BRD9: variants seen among roughly 807,000 people sequenced by gnomAD.
BRD9 encodes the protein bromodomain-containing protein 9.
In BRD9, 47 loss-of-function variants were observed where a neutral mutation model predicts 68.7. The ratio of observed to expected loss-of-function variants is 0.68; its 90% CI spans 0.54 to 0.87. The LOEUF (loss-of-function observed/expected upper bound fraction) is 0.87. Among genes scored for constraint, BRD9 ranks in the 40% least tolerant of loss-of-function variants. The pLI, the probability that BRD9 is intolerant of heterozygous loss-of-function variation, is 0.00. For synonymous variants in BRD9, 313 were observed against 293.9 expected (o/e 1.06, Z -0.67); for missense variants, 670 against 748.4 (o/e 0.90, Z 1.22).
Position 863,774 on chromosome 5 carries a change from C to T in BRD9, c.*694G>A, listed in dbSNP as rs180764534. 5.1e-4 allele frequency: 77 copies of T among 152,380 alleles called. No individual in the cohort carries two copies. The highest frequency in any genetic ancestry group is 1.8e-3 in the African/African-American group (75 of 41,564). 9.4% of individuals were successfully genotyped at this position (152,380 alleles called of 1,614,324 possible). A position where few individuals can be genotyped will look rare whatever the true frequency, so the allele number is the denominator to read the frequency against. ...GAAAACGTTTTATGGACACGGAACGCTCCACTGTAACGGGCAGGCAGAACA... is the reference window on the plus strand; with the variant it reads ...GAAAACGTTTTATGGACACGGAACGTTCCACTGTAACGGGCAGGCAGAACA... On this transcript the variant is annotated 3_prime_UTR_variant, in exon 16 of 16. Coordinates refer to ENST00000467963, the MANE Select transcript of BRD9 (RefSeq NM_023924.5).
chr5:889,721 T>C (rs1447727913), intron 3 of BRD9, 74 bp from the exon 4 acceptor site: 1 of 1,584,992 alleles, frequency 6.3e-7, no homozygotes, highest in South Asian at 1.1e-5. Context: ...AAGTTCACAG[T>C]ATCTGTCTGT....
intron 8 of BRD9, 95 bp downstream of exon 8, chr5:883,843 G>T (rs1752160067): frequency 6.6e-7 from 1 of 1,510,146 alleles, no homozygotes; most frequent in Non-Finnish European, 8.9e-7. Flanking sequence ...GATCCCGGTG[G>T]CTGTGCTAGA....
At position 889,908 on chromosome 5, in the gene BRD9, T is replaced by C. The variant is rs151050502; in HGVS notation, c.401-261A>G. ...ACATCAACAATATGTGGTGATCACTTAGCAATGTTTTCAGCTCATACCACT... is the reference window on the plus strand; with the variant it reads ...ACATCAACAATATGTGGTGATCACTCAGCAATGTTTTCAGCTCATACCACT... On this transcript the variant is annotated intron_variant, in intron 3 of 15. Transcript: ENST00000467963. The C allele has an allele frequency of 5.5e-3, 2,897 of 527,658 alleles. 31 individuals carry two copies. The highest frequency in any genetic ancestry group is 6.6e-3 in the Non-Finnish European group (1,969 of 300,166). 32.7% of individuals were successfully genotyped at this position (527,658 alleles called of 1,614,324 possible).
intron 7 of BRD9, 32 bp from the exon 8 acceptor site, chr5:884,102 G>C (rs767202274): frequency 6.2e-7 from 1 of 1,605,196 alleles, no homozygotes; most frequent in African/African-American, 1.3e-5. Flanking sequence ...GTCACCTGGA[G>C]GCAGCGTCCC....
At chr5:889,383 T>C (rs928074599) in intron 4 of BRD9, among the ~76,000 whole-genome samples, 3 of 152,176 alleles carry the variant, frequency 2.0e-5, no homozygotes, top group Non-Finnish European at 4.4e-5. Context: ...TAGCCTTGAC[T>C]TCCCTCACTC....
intron 12 of BRD9, among the ~76,000 whole-genome samples, chr5:875,871 T>C (rs973274926): frequency 6.6e-6 from 1 of 152,126 alleles, no homozygotes; most frequent in Non-Finnish European, 1.5e-5. Context: ...AGATGAAAGA[T>C]GAAGATGGAA....
At chr5:870,337 A>G (rs1372872429) in intron 14 of BRD9, 136 bp downstream of exon 14, 1 of 674,030 alleles carries the variant, frequency 1.5e-6, no homozygotes, top group Non-Finnish European at 2.6e-6. Flanking sequence ...ACCTGGGACA[A>G]AGACCAAATA....
rs1753338761 is a variant in BRD9, at chr5:891,267, T to TCGCTTC, written c.282_287dup (p.Lys95_Arg96dup). ...CCTCCGTGTCACAGTGCTCCCTCTC[T>TCGCTTC]CGCTTCCGCTTCTTCTCTTCCTGGG... On this transcript the variant is annotated inframe_insertion, in exon 3 of 16. Coordinates refer to ENST00000467963, the MANE Select transcript of BRD9 (RefSeq NM_023924.5). 6.4e-7 allele frequency: 1 copy of TCGCTTC among 1,551,640 alleles called. No homozygotes were observed. The highest frequency in any genetic ancestry group is 8.7e-7 in the Non-Finnish European group (1 of 1,146,934).
rs75024744 is a variant in BRD9 at position 875,961 on chromosome 5, C to T, written c.1383+140G>A. On this transcript the variant is annotated intron_variant, in intron 12 of 15. Coordinates refer to ENST00000467963, the MANE Select transcript of BRD9 (RefSeq NM_023924.5). ...GGACACCTGCCCGTGCAGAGAAGCA[C>T]GCAGATCCTGACGAGGAGCCGGCAG... 5,546 of 616,384 alleles carry T rather than the reference C, an allele frequency of 9.0e-3. 61 individuals carry two copies. The highest frequency in any genetic ancestry group is 0.05 in the Middle Eastern group (114 of 2,294). The allele number at this position is 616,384 out of a possible 1,614,324, so 38.2% of individuals were successfully genotyped here.
At chr5:873,474 C>G (rs1204445164) in intron 12 of BRD9, among the ~76,000 whole-genome samples, 1 of 152,202 alleles carries the variant, frequency 6.6e-6, no homozygotes, top group African/African-American at 2.4e-5. Flanking sequence ...TTGAATCCAC[C>G]TATAACCTAT....
rs1432767483 is a variant in BRD9, at chr5:865,584, G to T, written c.1526-3C>A. On this transcript the variant is annotated splice_region_variant and splice_polypyrimidine_tract_variant and intron_variant, in intron 14 of 15. Transcript: ENST00000467963. ...GTCCAGCTCCTTCTTCACCTTCCCT[G>T]TGTAAACAGGACATGACCCCACGTC... 4 of 1,594,534 alleles carry T rather than the reference G, an allele frequency of 2.5e-6. No homozygotes were observed.
chr5:890,998 G>A lies in BRD9; in HGVS notation c.400+157C>T, dbSNP rs143448297. Among the ~76,000 whole-genome samples the A allele has an allele frequency of 1.8e-3, 267 of 152,284 alleles. 2 individuals carry two copies. The highest frequency in any genetic ancestry group is 3.4e-3 in the Non-Finnish European group (231 of 68,028). ...CTCTAGACATTCAGAGACACCGGAG[G>A]AAACCTCAGGCCAGAGGACACCTGG... On this transcript the variant is annotated intron_variant, in intron 3 of 15. Coordinates refer to ENST00000467963, the MANE Select transcript of BRD9 (RefSeq NM_023924.5).
At position 890,692 on chromosome 5, in the gene BRD9, C is replaced by T. The variant is rs539035461; in HGVS notation, c.400+463G>A. On this transcript the variant is annotated intron_variant, in intron 3 of 15. Coordinates refer to ENST00000467963, the MANE Select transcript of BRD9 (RefSeq NM_023924.5). The stretch of plus-strand genomic sequence containing the variant: ...CCAAGGGGAATTACCTGCGTTTTCA[C>T]TGACATGCATCTCTCTTACCAGTCT... Among the ~76,000 whole-genome samples, 18 of 152,348 alleles carry T rather than the reference C, an allele frequency of 1.2e-4. 1 individual carries two copies. Among genetic ancestry groups the T allele is most frequent in the Admixed American group, 1.1e-3 (17 of 15,298 alleles).
Position 865,597 on chromosome 5 carries a change from A to G in BRD9, c.1526-16T>C, listed in dbSNP as rs1749271251. The G allele has an allele frequency of 1.3e-6, 2 of 1,577,916 alleles. No individual in the cohort carries two copies. The highest frequency in any genetic ancestry group is 1.7e-5 in the Admixed American group (1 of 58,896). Reference sequence around the variant, plus strand: ...TTCACCTTCCCTGTGTAAACAGGACATGACCCCACGTCGGCTGAGCTCAGC... The same window carrying G: ...TTCACCTTCCCTGTGTAAACAGGACGTGACCCCACGTCGGCTGAGCTCAGC... On this transcript the variant is annotated splice_polypyrimidine_tract_variant and intron_variant, in intron 14 of 15. Transcript: ENST00000467963.
intron 14 of BRD9, among the ~76,000 whole-genome samples, chr5:868,000 G>A (rs572285363): frequency 6.6e-6 from 1 of 152,200 alleles, no homozygotes; most frequent in African/African-American, 2.4e-5. Context: ...ATGTTGAATT[G>A]TAATTCCCAA....
chr5:869,313 G>GTT (rs1434555840), intron 14 of BRD9: 2 of 456,032 alleles, frequency 4.4e-6, no homozygotes, highest in Admixed American at 2.4e-5. Flanking sequence ...AAATCTGAAG[G>GTT]TTGACAAAGC....
intron 3 of BRD9, chr5:889,901 G>A (rs1753109085): frequency 1.8e-6 from 1 of 564,218 alleles, no homozygotes; most frequent in East Asian, 5.2e-5. Context: ...AATATGTGGT[G>A]ATCACTTAGC....
At position 884,077 on chromosome 5, in the gene BRD9, G is replaced by A. The variant is rs1286462790; in HGVS notation, c.834-7C>T. The A allele has an allele frequency of 6.2e-7, 1 of 1,611,978 alleles. No individual in the cohort carries two copies. Among genetic ancestry groups the A allele is most frequent in the African/African-American group, 1.3e-5 (1 of 75,008 alleles). The stretch of plus-strand genomic sequence containing the variant: ...TTCAGGCTCAAACATGCAGCTGTGA[G>A]GTGGGGACAACCAAGTCACCTGGAG... On this transcript the variant is annotated splice_polypyrimidine_tract_variant and splice_region_variant and intron_variant, in intron 7 of 15. Transcript: ENST00000467963.
intron 14 of BRD9, 104 bp from the exon 15 acceptor site, chr5:865,685 C>T: frequency 1.6e-6 from 2 of 1,277,516 alleles, no homozygotes; most frequent in Non-Finnish European, 2.1e-6. Flanking sequence ...CTGCTCAGGA[C>T]AATAATTGCT....
Sources: gnomAD v4.1 joint callset for allele counts (sites outside exome capture counted in the v4.1 genomes callset) on GRCh38, gnomAD v4.1.1 for gene constraint, MANE v1.5 for transcripts, NCBI Gene and HGNC (gene_info 2026-07-23, HGNC 2026-07-21) for gene names.